Variants in MBD5 observed in about 807,000 individuals in gnomAD.
MBD5 encodes the protein methyl-CpG binding domain protein 5.
Under a neutral mutation model 117.3 loss-of-function variants are expected in MBD5, and 13 were observed. The observed-to-expected ratio is 0.11, with a 90% confidence interval of 0.07 to 0.18. The LOEUF (loss-of-function observed/expected upper bound fraction) is 0.18. Ranked by LOEUF, MBD5 falls within the 10% of genes least tolerant of loss-of-function variation. The pLI is 1.00. For synonymous variants in MBD5, 727 were observed against 766.4 expected (o/e 0.95, Z 0.85); for missense variants, 1,879 against 2,093.8 (o/e 0.90, Z 2.00).
At chr2:148,456,194 A>G (rs759358737) in intron 4 of MBD5, among the ~76,000 whole-genome samples, 1 of 152,186 alleles carries the variant, frequency 6.6e-6, no homozygotes, top group Non-Finnish European at 1.5e-5. Context: ...TATAAACAAC[A>G]TAAACTTTTT....
At chr2:148,210,479 A>T (rs748948277) in intron 2 of MBD5, among the ~76,000 whole-genome samples, 1 of 152,030 alleles carries the variant, frequency 6.6e-6, no homozygotes, top group Non-Finnish European at 1.5e-5. Context: ...TACTTTTTTA[A>T]TATTGTTAAA....
At chr2:148,496,940 CT>C (rs1681720494) in intron 11 of MBD5, among the ~76,000 whole-genome samples, 1 of 152,098 alleles carries the variant, frequency 6.6e-6, no homozygotes, top group African/African-American at 2.4e-5. Flanking sequence ...GGTGAATCAA[CT>C]TTTTACTCTA....
chr2:148,305,890 A>G (rs939838312), intron 3 of MBD5, among the ~76,000 whole-genome samples: 2 of 152,224 alleles, frequency 1.3e-5, no homozygotes, highest in African/African-American at 2.4e-5. Flanking sequence ...CTAGAATCTA[A>G]TAACAGGTCC....
At chr2:148,095,374 A>C (rs1461984568) in intron 1 of MBD5, among the ~76,000 whole-genome samples, 1 of 152,286 alleles carries the variant, frequency 6.6e-6, no homozygotes, top group East Asian at 1.9e-4. Flanking sequence ...TAAGAAATAT[A>C]AATCTGCTCA....
At chr2:148,294,417 G>C (rs1184870467) in intron 3 of MBD5, among the ~76,000 whole-genome samples, 8 of 150,034 alleles carry the variant, frequency 5.3e-5, no homozygotes, top group Non-Finnish European at 1.0e-4. Flanking sequence ...GTAGAGACAG[G>C]GTTTCACTGT....
chr2:148,166,712 G>C (rs557754534), intron 1 of MBD5, among the ~76,000 whole-genome samples: 1 of 152,056 alleles, frequency 6.6e-6, no homozygotes, highest in South Asian at 2.1e-4. Context: ...ACCTCTCCCT[G>C]CTATGTTTTC....
At chr2:148,204,955 A>G (rs1330935636) in intron 2 of MBD5, among the ~76,000 whole-genome samples, 2 of 152,172 alleles carry the variant, frequency 1.3e-5, no homozygotes, top group African/African-American at 4.8e-5. Context: ...GACACTATAT[A>G]TAAATATAAA....
At position 148,269,903 on chromosome 2, in the gene MBD5, A is replaced by G. The variant is rs149212477; in HGVS notation, c.-680+36508A>G. On this transcript the variant is annotated intron_variant, in intron 3 of 13. Transcript: ENST00000642680. ...TTTACCCACCCAGTGCTAATATTCT[A>G]CTTACTGAAGATTTTTTCTTAACTT... Among the ~76,000 whole-genome samples, 494 of 151,926 alleles carry G rather than the reference A, an allele frequency of 3.3e-3. 1 individual carries two copies. The highest frequency in any genetic ancestry group is 0.012 in the African/African-American group (478 of 41,486).
intron 8 of MBD5, among the ~76,000 whole-genome samples, chr2:148,477,812 C>T (rs1048334958): frequency 6.6e-6 from 1 of 152,124 alleles, no homozygotes; most frequent in Non-Finnish European, 1.5e-5. Context: ...AAGGCATACA[C>T]ATTCTATATG....
rs186386532 is a variant in MBD5 at position 148,250,050 on chromosome 2, G to A, written c.-680+16655G>A. On this transcript the variant is annotated intron_variant, in intron 3 of 13. Coordinates refer to ENST00000642680, the MANE Select transcript of MBD5 (RefSeq NM_001378120.1). ...GGCTCTACCTCTCATAACTACCCTC[G>A]TAGACCCACTCATCTTCCTAATACA... Among the ~76,000 whole-genome samples the A allele has an allele frequency of 2.8e-4, 43 of 151,984 alleles. 1 individual carries two copies. In the South Asian group the frequency reaches 8.1e-3, roughly 29 times the overall value.
At chr2:148,347,471 C>T (rs1298599633) in intron 4 of MBD5, 1 of 151,920 alleles carries the variant, frequency 6.6e-6, no homozygotes, top group Non-Finnish European at 1.5e-5. Flanking sequence ...TATGGCATGC[C>T]TCACCAGCCT....
At chr2:148,362,547 CTG>C (rs1359818590) in intron 4 of MBD5, among the ~76,000 whole-genome samples, 1 of 152,198 alleles carries the variant, frequency 6.6e-6, no homozygotes, top group Admixed American at 6.5e-5. Context: ...AAAGGAACAG[CTG>C]TGTGCACAGC....
chr2:148,404,689 G>A (rs924951235), intron 4 of MBD5, among the ~76,000 whole-genome samples: 11 of 152,112 alleles, frequency 7.2e-5, no homozygotes, highest in Non-Finnish European at 1.3e-4. Flanking sequence ...GAGGGACTGC[G>A]CCTTCATTGC....
chr2:148,328,925 AT>A, intron 3 of MBD5, among the ~76,000 whole-genome samples: 1 of 152,160 alleles, frequency 6.6e-6, no homozygotes, highest in African/African-American at 2.4e-5. Flanking sequence ...CAAGAATATC[AT>A]TCTTATTTCA....
intron 4 of MBD5, among the ~76,000 whole-genome samples, chr2:148,399,005 G>T (rs1264505319): frequency 1.3e-5 from 2 of 152,106 alleles, no homozygotes; most frequent in Non-Finnish European, 2.9e-5. Context: ...CTGTTCCATT[G>T]GTCTATATCT....
chr2:148,294,501 G>GTTTTTTGTTTTTTGTTTTTTGTTTTT (rs1701589843), intron 3 of MBD5, among the ~76,000 whole-genome samples: 2 of 113,216 alleles, frequency 1.8e-5, no homozygotes, highest in African/African-American at 7.3e-5. Context: ...TGGGATTACA[G>GTTTTTTGTTTTTTGTTTTTTGTTTTT]TTTTTTTTTT....
At chr2:148,219,371 C>G (rs1699630833) in intron 2 of MBD5, among the ~76,000 whole-genome samples, 2 of 151,912 alleles carry the variant, frequency 1.3e-5, no homozygotes, top group African/African-American at 4.8e-5. Context: ...GGCTGTTTTA[C>G]AGTTAACTTT....
At chr2:148,180,984 A>G (rs1244382893) in intron 2 of MBD5, among the ~76,000 whole-genome samples, 1 of 152,194 alleles carries the variant, frequency 6.6e-6, no homozygotes, top group Non-Finnish European at 1.5e-5. Context: ...AAATAAATGA[A>G]AAGGAAAAGA....
chr2:148,316,650 A>G (rs1476089512), intron 3 of MBD5, among the ~76,000 whole-genome samples: 1 of 152,200 alleles, frequency 6.6e-6, no homozygotes, highest in Non-Finnish European at 1.5e-5. Context: ...AATCTAGCAT[A>G]ATACTTGGTT....
Sources: gnomAD v4.1 joint callset for allele counts (sites outside exome capture counted in the v4.1 genomes callset) on GRCh38, gnomAD v4.1.1 for gene constraint, MANE v1.5 for transcripts, NCBI Gene and HGNC (gene_info 2026-07-23, HGNC 2026-07-21) for gene names.